The following TTC28 variants were observed in gnomAD, a reference collection of about 807,000 sequenced individuals.
The protein encoded by TTC28 is tetratricopeptide repeat domain 28, also known as tetratricopeptide repeat protein 28.
In TTC28, 61 loss-of-function variants were observed where a neutral mutation model predicts 198.0. The ratio of observed to expected loss-of-function variants is 0.31; its 90% confidence interval spans 0.25 to 0.38. TTC28 has a LOEUF of 0.38. Among genes scored for constraint, TTC28 ranks in the 10% least tolerant of loss-of-function variants. TTC28 has a pLI of 1.00. For synonymous variants in TTC28, 1,171 were observed against 1,297.8 expected, an observed-to-expected ratio of 0.90 and a Z score of 2.10; for missense variants, 2,678 against 3,164.0, an observed-to-expected ratio of 0.85 and a Z score of 3.69.
intron 12 of TTC28, among the ~76,000 whole-genome samples, chr22:28,072,502 T>C (rs1235149884): frequency 1.3e-5 from 2 of 152,184 alleles, no homozygotes; most frequent in African/African-American, 4.8e-5. Context: ...GGGTGCTATG[T>C]ATTGTGTACC....
intron 2 of TTC28, among the ~76,000 whole-genome samples, chr22:28,497,288 G>T (rs561705827): frequency 2.6e-5 from 4 of 151,988 alleles, no homozygotes; most frequent in Admixed American, 2.0e-4. Flanking sequence ...GTATAAAAAG[G>T]TATATAGAAA....
chr22:28,302,211 C>T (rs2045041180), intron 3 of TTC28, among the ~76,000 whole-genome samples: 1 of 151,896 alleles, frequency 6.6e-6, no homozygotes, highest in Non-Finnish European at 1.5e-5. Flanking sequence ...GACGGAGAAA[C>T]CATAGTGTTT....
At chr22:27,996,613 G>C (rs1047863450) in intron 16 of TTC28, among the ~76,000 whole-genome samples, 4 of 152,118 alleles carry the variant, frequency 2.6e-5, no homozygotes, top group Non-Finnish European at 4.4e-5. Context: ...GGGAGGGGAG[G>C]TGTGCTCATC....
At chr22:28,631,508 G>A (rs577385952) in intron 1 of TTC28, among the ~76,000 whole-genome samples, 2 of 152,106 alleles carry the variant, frequency 1.3e-5, no homozygotes, top group East Asian at 3.9e-4. Context: ...AACGTGTCAA[G>A]TGTTTTTGTT....
At chr22:28,346,684 T>G (rs1461871058) in intron 2 of TTC28, among the ~76,000 whole-genome samples, 1 of 152,080 alleles carries the variant, frequency 6.6e-6, no homozygotes, top group Admixed American at 6.6e-5. Context: ...ATTTAATAGA[T>G]CTCCAATCTC....
chr22:28,292,436 C>A (rs2044806258), intron 5 of TTC28, among the ~76,000 whole-genome samples: 1 of 152,110 alleles, frequency 6.6e-6, no homozygotes, highest in Non-Finnish European at 1.5e-5. Flanking sequence ...AATCTGCCCA[C>A]CTCGGCCTCC....
intron 2 of TTC28, among the ~76,000 whole-genome samples, chr22:28,486,315 A>T (rs1255186318): frequency 6.6e-6 from 1 of 152,164 alleles, no homozygotes; most frequent in Non-Finnish European, 1.5e-5. Context: ...AAAGGACTAT[A>T]ATCAGAGATA....
chr22:28,563,539 G>A (rs1444905633), intron 2 of TTC28, among the ~76,000 whole-genome samples: 2 of 152,144 alleles, frequency 1.3e-5, no homozygotes, highest in African/African-American at 4.8e-5. Flanking sequence ...ACAAGCACAT[G>A]AAATGATGTT....
At chr22:28,549,890 T>C (rs1027886250) in intron 2 of TTC28, among the ~76,000 whole-genome samples, 1 of 152,204 alleles carries the variant, frequency 6.6e-6, no homozygotes, top group Non-Finnish European at 1.5e-5. Flanking sequence ...CAGTTGTAAA[T>C]TATTATATCA....
intron 6 of TTC28, among the ~76,000 whole-genome samples, chr22:28,152,387 C>T (rs931924447): frequency 1.3e-5 from 2 of 152,076 alleles, no homozygotes; most frequent in Non-Finnish European, 2.9e-5. Flanking sequence ...GCCTTTAGCC[C>T]TAGCCCAGGT....
intron 2 of TTC28, among the ~76,000 whole-genome samples, chr22:28,388,733 G>T (rs1388444218): frequency 6.6e-6 from 1 of 152,202 alleles, no homozygotes; most frequent in African/African-American, 2.4e-5. Flanking sequence ...AGCTTAAGGA[G>T]ATTTTGGGCT....
chr22:28,573,232 G>T (rs966203575), intron 2 of TTC28, among the ~76,000 whole-genome samples: 2 of 151,912 alleles, frequency 1.3e-5, no homozygotes, highest in East Asian at 3.9e-4. Context: ...TGAGGTGGGC[G>T]GATCACAGGG....
At chr22:28,088,705 C>A (rs552234881) in intron 12 of TTC28, among the ~76,000 whole-genome samples, 1 of 152,318 alleles carries the variant, frequency 6.6e-6, no homozygotes, top group South Asian at 2.1e-4. Context: ...GCAAAGGAAA[C>A]TACCATCAGA....
intron 2 of TTC28, among the ~76,000 whole-genome samples, chr22:28,601,785 C>CACACAA (rs1013360261): frequency 1.4e-5 from 2 of 146,372 alleles, no homozygotes; most frequent in Admixed American, 6.7e-5. Context: ...TAGACACACA[C>CACACAA]ACACACACAC....
At chr22:28,087,384 T>C (rs371215605) in intron 12 of TTC28, among the ~76,000 whole-genome samples, 2 of 151,990 alleles carry the variant, frequency 1.3e-5, no homozygotes, top group Non-Finnish European at 2.9e-5. Flanking sequence ...TGTAATCCAG[T>C]ATATAAACAG....
intron 2 of TTC28, among the ~76,000 whole-genome samples, chr22:28,339,594 G>C (rs2045794474): frequency 6.6e-6 from 1 of 152,188 alleles, no homozygotes; most frequent in Non-Finnish European, 1.5e-5. Flanking sequence ...GCAATGGCGG[G>C]CGCCCCTCCC....
intron 2 of TTC28, among the ~76,000 whole-genome samples, chr22:28,402,691 C>G (rs134544): frequency 0.55 from 83,908 of 152,070 alleles, 23,848 homozygotes; most frequent in East Asian, 0.74. Context: ...AAGTTACTGA[C>G]CCACTCTTAA....
At chr22:28,034,932 G>C (rs1388186614) in intron 12 of TTC28, among the ~76,000 whole-genome samples, 3 of 152,222 alleles carry the variant, frequency 2.0e-5, no homozygotes, top group African/African-American at 7.2e-5. Context: ...TTCATATGCA[G>C]CTTTCCCCAG....
At chr22:28,186,497 T>C (rs1018091225) in intron 5 of TTC28, among the ~76,000 whole-genome samples, 6 of 152,160 alleles carry the variant, frequency 3.9e-5, no homozygotes, top group Non-Finnish European at 8.8e-5. Context: ...GGGATACAGA[T>C]GGTTTTCAAC....
Sources: allele counts gnomAD v4.1 joint callset (sites outside exome capture counted in the v4.1 genomes callset), GRCh38; gene constraint gnomAD v4.1.1; transcripts MANE v1.5; gene names NCBI Gene and HGNC (gene_info 2026-07-23, HGNC 2026-07-21).